Variants in XRCC4 observed in about 807,000 individuals in gnomAD.
The protein encoded by XRCC4 is DNA repair protein XRCC4.
A neutral mutation model predicts 39.1 loss-of-function variants in XRCC4; 28 were observed. The ratio of observed to expected loss-of-function variants is 0.72; its 90% CI spans 0.53 to 0.98. The LOEUF is 0.98. Among genes scored for constraint, XRCC4 ranks in the 50% least tolerant of loss-of-function variants. XRCC4 has a pLI of 0.00. For missense variants in XRCC4, 350 were observed against 376.4 expected, an observed-to-expected ratio of 0.93 and a Z score of 0.58; for synonymous variants, 123 against 126.4, an observed-to-expected ratio of 0.97 and a Z score of 0.18.
chr5:83,359,929 T>C, the XRCC4 span, among the ~76,000 whole-genome samples: 1 of 152,202 alleles, frequency 6.6e-6, no homozygotes, highest in Non-Finnish European at 1.5e-5. Context: ...TATGGTCTTA[T>C]CTACATTAGA....
At chr5:83,089,888 G>A (rs1745342912) in intron 1 of XRCC4, among the ~76,000 whole-genome samples, 1 of 152,022 alleles carries the variant, frequency 6.6e-6, no homozygotes, top group African/African-American at 2.4e-5. Context: ...ACCTTTACTG[G>A]TTTAGTACAA....
At chr5:83,164,897 C>G (rs1749388121) in intron 3 of XRCC4, among the ~76,000 whole-genome samples, 1 of 151,996 alleles carries the variant, frequency 6.6e-6, no homozygotes, top group Admixed American at 6.6e-5. Context: ...AATATAAGAA[C>G]TGTTAGAAAT....
intron 3 of XRCC4, among the ~76,000 whole-genome samples, chr5:83,147,816 A>G (rs540499061): frequency 6.6e-6 from 1 of 150,466 alleles, no homozygotes; most frequent in Non-Finnish European, 1.5e-5. Flanking sequence ...TTTGACACAC[A>G]GTTTAACTCT....
At chr5:83,362,294 C>CA in the XRCC4 span, among the ~76,000 whole-genome samples, 1,561 of 72,348 alleles carry the variant, frequency 0.022, 28 homozygotes, top group Middle Eastern at 0.029. Context: ...GCTATTTAGG[C>CA]AAAAAAAAAA....
At chr5:83,105,957 T>C (rs1746178363) in intron 2 of XRCC4, among the ~76,000 whole-genome samples, 1 of 152,166 alleles carries the variant, frequency 6.6e-6, no homozygotes, top group Admixed American at 6.6e-5. Context: ...TTATGAATTA[T>C]GTTATACAAC....
intron 3 of XRCC4, among the ~76,000 whole-genome samples, chr5:83,144,743 GATCT>G (rs1748369862): frequency 6.6e-6 from 1 of 151,498 alleles, no homozygotes; most frequent in Non-Finnish European, 1.5e-5. Context: ...AATTTATATT[GATCT>G]TTCTTCAAGT....
At chr5:83,323,480 A>G (rs1483838226) in intron 7 of XRCC4, among the ~76,000 whole-genome samples, 1 of 152,134 alleles carries the variant, frequency 6.6e-6, no homozygotes, top group African/African-American at 2.4e-5. Flanking sequence ...CCATACTTTA[A>G]TCAGTTGGAG....
intron 3 of XRCC4, among the ~76,000 whole-genome samples, chr5:83,160,221 A>G (rs1749140571): frequency 6.6e-6 from 1 of 152,178 alleles, no homozygotes; most frequent in Non-Finnish European, 1.5e-5. Flanking sequence ...GACAGGATAA[A>G]CCATTTGAAT....
intron 3 of XRCC4, among the ~76,000 whole-genome samples, chr5:83,114,943 C>T (rs1355312782): frequency 6.6e-6 from 1 of 152,068 alleles, no homozygotes; most frequent in African/African-American, 2.4e-5. Flanking sequence ...ATAATCATGG[C>T]AGAAAGAGAA....
intron 6 of XRCC4, among the ~76,000 whole-genome samples, chr5:83,237,747 A>G (rs1264189083): frequency 1.3e-5 from 2 of 152,224 alleles, no homozygotes; most frequent in South Asian, 4.1e-4. Flanking sequence ...TCACACAAAG[A>G]AGTGATAAAT....
chr5:83,096,312 C>T (rs570685672), intron 1 of XRCC4, among the ~76,000 whole-genome samples: 5 of 152,076 alleles, frequency 3.3e-5, no homozygotes, highest in Admixed American at 3.3e-4. Flanking sequence ...GCGGGAACCA[C>T]AGATGAGGGG....
the XRCC4 span, among the ~76,000 whole-genome samples, chr5:83,368,042 C>A: frequency 6.7e-6 from 1 of 149,742 alleles, no homozygotes; most frequent in Non-Finnish European, 1.5e-5. Flanking sequence ...GCTGTGGATG[C>A]TTATTTCAAT....
At chr5:83,336,047 A>G (rs1756584980) in intron 7 of XRCC4, among the ~76,000 whole-genome samples, 1 of 152,058 alleles carries the variant, frequency 6.6e-6, no homozygotes, top group Admixed American at 6.6e-5. Flanking sequence ...AAAAGTGTTC[A>G]GTGATAAAAA....
At chr5:83,249,137 T>C (rs1753217917) in intron 6 of XRCC4, among the ~76,000 whole-genome samples, 1 of 152,126 alleles carries the variant, frequency 6.6e-6, no homozygotes, top group South Asian at 2.1e-4. Context: ...CCCACCTAAT[T>C]TTATGGATTT....
the XRCC4 span, among the ~76,000 whole-genome samples, chr5:83,364,232 A>C: frequency 2.0e-5 from 3 of 152,298 alleles, no homozygotes; most frequent in African/African-American, 7.2e-5. Context: ...AAAAAAAATC[A>C]AATTATATTT....
intron 3 of XRCC4, among the ~76,000 whole-genome samples, chr5:83,144,667 A>G (rs1748365351): frequency 6.9e-6 from 1 of 145,668 alleles, no homozygotes; most frequent in South Asian, 2.1e-4. Context: ...TTCTACCTCC[A>G]TTCTCTTTTT....
At chr5:83,244,155 ACT>A (rs1214102723) in intron 6 of XRCC4, among the ~76,000 whole-genome samples, 25 of 151,788 alleles carry the variant, frequency 1.6e-4, no homozygotes, top group African/African-American at 6.1e-4. Flanking sequence ...AGGAAATATA[ACT>A]CTCCTCATTA....
intron 4 of XRCC4, among the ~76,000 whole-genome samples, chr5:83,199,972 A>G (rs75149886): frequency 5.5e-4 from 84 of 152,132 alleles, no homozygotes; most frequent in African/African-American, 2.0e-3. Context: ...GGTCTGATCT[A>G]GTTGTACATG....
At chr5:83,252,447 A>G (rs1174620837) in intron 6 of XRCC4, among the ~76,000 whole-genome samples, 1 of 151,870 alleles carries the variant, frequency 6.6e-6, no homozygotes, top group Admixed American at 6.6e-5. Context: ...TAGGAAAACT[A>G]GTATTTATCT....
Sources: gnomAD v4.1 joint callset for allele counts (sites outside exome capture counted in the v4.1 genomes callset) on GRCh38, gnomAD v4.1.1 for gene constraint, MANE v1.5 for transcripts, NCBI Gene and HGNC (gene_info 2026-07-23, HGNC 2026-07-21) for gene names.